SNX29: variants seen among roughly 807,000 people sequenced by gnomAD.
SNX29 encodes sorting nexin-29.
SNX29 carries 78 observed loss-of-function variants against 102.1 expected under a neutral mutation model. The ratio of observed to expected loss-of-function variants is 0.76; its 90% CI spans 0.64 to 0.92. SNX29 has a LOEUF of 0.92. Among genes scored for constraint, SNX29 ranks in the 40% least tolerant of loss-of-function variants. SNX29 has a pLI of 0.00. For synonymous variants in SNX29, 580 were observed against 414.5 expected (o/e 1.40, Z -4.85); for missense variants, 1,280 against 1,061.7 (o/e 1.21, Z -2.86).
intron 14 of SNX29, among the ~76,000 whole-genome samples, chr16:12,224,627 A>C (rs924621149): frequency 6.6e-6 from 1 of 152,212 alleles, no homozygotes; most frequent in Non-Finnish European, 1.5e-5. Flanking sequence ...GAGATGGCCA[A>C]AGCTCACTGA....
At chr16:12,076,175 G>T (rs142283464) in intron 10 of SNX29, among the ~76,000 whole-genome samples, 10,300 of 152,226 alleles carry the variant, frequency 0.068, 423 homozygotes, top group East Asian at 0.12. Flanking sequence ...TGCACCCACT[G>T]TCTGGCACTC....
chr16:12,197,277 C>T (rs1410648546), intron 13 of SNX29, among the ~76,000 whole-genome samples: 2 of 152,016 alleles, frequency 1.3e-5, no homozygotes, highest in East Asian at 3.9e-4. Flanking sequence ...TCCTAGAAAA[C>T]ATGCTCTACA....
At chr16:12,287,777 G>C (rs2079646150) in intron 15 of SNX29, among the ~76,000 whole-genome samples, 1 of 152,200 alleles carries the variant, frequency 6.6e-6, no homozygotes, top group Non-Finnish European at 1.5e-5. Context: ...GATCTCTTCA[G>C]TGTCTTTTAA....
rs373216147 is a variant in SNX29 at position 12,051,826 on chromosome 16, CTTT to C, written c.749-8_749-6del. ...TTGCCTCCTTTTTCTTATACTGTAT[CTTT>C]TTTTTTTTTTTTGCCAGATGCCAAA... On this transcript the variant is annotated intron_variant, in intron 7 of 20. Coordinates refer to ENST00000566228, the MANE Select transcript of SNX29 (RefSeq NM_032167.5). 451 of 1,534,458 alleles carry C rather than the reference CTTT, an allele frequency of 2.9e-4. No homozygotes were observed. Among genetic ancestry groups the C allele is most frequent in the Admixed American group, 1.1e-3 (58 of 50,496 alleles).
chr16:12,515,795 C>T (rs367798951), intron 19 of SNX29, among the ~76,000 whole-genome samples: 6 of 152,080 alleles, frequency 3.9e-5, no homozygotes, highest in East Asian at 3.9e-4. Context: ...TGCAGGCATG[C>T]GGCAGATAGT....
rs554583942 is a variant in SNX29 at position 12,514,331 on chromosome 16, G to A, written c.2179-10371G>A. Among the ~76,000 whole-genome samples, 4 of 152,162 alleles carry A rather than the reference G, an allele frequency of 2.6e-5. No homozygotes were observed. In the East Asian group the frequency reaches 5.8e-4, roughly 22 times the overall value. On this transcript the variant is annotated intron_variant, in intron 19 of 20. Coordinates refer to ENST00000566228, the MANE Select transcript of SNX29 (RefSeq NM_032167.5). ...GCTGCCCTAGCTCCCCCTACCTCAG[G>A]CGCCTCTGCTCCTGAATCTTGTGGT...
intron 20 of SNX29, among the ~76,000 whole-genome samples, chr16:12,539,954 A>C (rs935744708): frequency 1.3e-5 from 2 of 152,258 alleles, no homozygotes; most frequent in African/African-American, 4.8e-5. Context: ...ACCTTTGTCG[A>C]ACATGTGAGT....
chr16:12,245,332 C>A (rs1267176315), intron 14 of SNX29, among the ~76,000 whole-genome samples: 2 of 152,072 alleles, frequency 1.3e-5, no homozygotes, highest in African/African-American at 2.4e-5. Context: ...GTGTTACGTA[C>A]ATGATCCATA....
chr16:11,976,841 T>A, intron 1 of SNX29, 28 bp downstream of exon 1: 8 of 1,349,750 alleles, frequency 5.9e-6, no homozygotes, highest in Non-Finnish European at 7.6e-6. Context: ...CGCTGTCACC[T>A]GCCCCGGCCG....
chr16:12,501,808 A>G (rs1337921825), intron 19 of SNX29, among the ~76,000 whole-genome samples: 1 of 151,094 alleles, frequency 6.6e-6, no homozygotes, highest in Admixed American at 6.6e-5. Flanking sequence ...AGCCTAGCAG[A>G]GAATTTTATG....
At chr16:12,058,584 C>G (rs1171094370) in intron 8 of SNX29, among the ~76,000 whole-genome samples, 2 of 148,870 alleles carry the variant, frequency 1.3e-5, no homozygotes, top group Non-Finnish European at 3.0e-5. Flanking sequence ...ACCTCCGCCT[C>G]TCGAGTTCAA....
intron 12 of SNX29, among the ~76,000 whole-genome samples, chr16:12,128,452 C>CTTTTT (rs35504724): frequency 1.6e-5 from 2 of 128,310 alleles, no homozygotes; most frequent in African/African-American, 3.0e-5. Context: ...TGATTATATT[C>CTTTTT]TTTTTTTTTT....
At chr16:12,457,016 A>G (rs532517147) in intron 18 of SNX29, among the ~76,000 whole-genome samples, 3 of 152,318 alleles carry the variant, frequency 2.0e-5, no homozygotes, top group East Asian at 3.9e-4. Context: ...TTCCTTTGCC[A>G]TAATGCCACC....
intron 14 of SNX29, among the ~76,000 whole-genome samples, chr16:12,260,888 C>G (rs1468491783): frequency 6.8e-6 from 1 of 147,680 alleles, no homozygotes; most frequent in Non-Finnish European, 1.5e-5. Flanking sequence ...GCATGCGTCC[C>G]CAGCTGGAGT....
intron 11 of SNX29, among the ~76,000 whole-genome samples, chr16:12,082,233 C>G (rs909936430): frequency 6.6e-6 from 1 of 152,060 alleles, no homozygotes; most frequent in Non-Finnish European, 1.5e-5. Flanking sequence ...ACAGCAGCCC[C>G]GAGATCATGC....
At chr16:12,548,084 G>T (rs2077723586) in intron 20 of SNX29, among the ~76,000 whole-genome samples, 1 of 152,208 alleles carries the variant, frequency 6.6e-6, no homozygotes, top group African/African-American at 2.4e-5. Context: ...GACATAAAAA[G>T]ATGTTGCTAA....
At chr16:12,199,811 C>T (rs1300954254) in intron 14 of SNX29, 128 bp downstream of exon 14, 5 of 743,244 alleles carry the variant, frequency 6.7e-6, no homozygotes, top group South Asian at 3.8e-5. Flanking sequence ...TGGTGCTGCT[C>T]AGCGTTCCAG....
chr16:11,994,795 A>G (rs528899413), intron 1 of SNX29, among the ~76,000 whole-genome samples: 3 of 152,282 alleles, frequency 2.0e-5, no homozygotes, highest in South Asian at 4.1e-4. Flanking sequence ...CAAAGGGAGA[A>G]GGTAAGAAGG....
chr16:12,299,843 A>G (rs531612237), intron 15 of SNX29, among the ~76,000 whole-genome samples: 30 of 148,472 alleles, frequency 2.0e-4, no homozygotes, highest in African/African-American at 6.0e-4. Context: ...TTCTTACACT[A>G]GAAATCTCTT....
Sources: gnomAD v4.1 joint callset for allele counts (sites outside exome capture counted in the v4.1 genomes callset) on GRCh38, gnomAD v4.1.1 for gene constraint, MANE v1.5 for transcripts, NCBI Gene and HGNC (gene_info 2026-07-23, HGNC 2026-07-21) for gene names.